NALF1: variants seen among roughly 807,000 people sequenced by gnomAD.
The protein encoded by NALF1 is NALCN channel auxiliary factor 1, also known as family with sequence similarity 155 member A.
Under a neutral mutation model 48.4 loss-of-function variants are expected in NALF1, and 3 were observed. The observed-to-expected ratio is 0.06, with a 90% CI of 0.03 to 0.16. The LOEUF (loss-of-function observed/expected upper bound fraction) is 0.16. NALF1 is among the 10% of genes least tolerant of loss of function. The pLI is 1.00. For synonymous variants in NALF1, 262 were observed against 245.7 expected (o/e 1.07, Z -0.62); for missense variants, 526 against 571.5 (o/e 0.92, Z 0.81).
chr13:107,680,779 G>A (rs183530739), intron 1 of NALF1, among the ~76,000 whole-genome samples: 2 of 151,300 alleles, frequency 1.3e-5, no homozygotes, highest in Non-Finnish European at 2.9e-5. Context: ...GCAAATGTAA[G>A]AATGTGTGTG....
chr13:107,723,701 A>C (rs1397655860), intron 1 of NALF1, among the ~76,000 whole-genome samples: 1 of 152,230 alleles, frequency 6.6e-6, no homozygotes, highest in Admixed American at 6.5e-5. Flanking sequence ...GACCTCTTAC[A>C]GCGCACATGC....
chr13:107,486,129 G>T (rs1298858115), intron 1 of NALF1, among the ~76,000 whole-genome samples: 1 of 152,058 alleles, frequency 6.6e-6, no homozygotes, highest in East Asian at 1.9e-4. Flanking sequence ...AATCTAGTTC[G>T]GTTACAGGCA....
intron 1 of NALF1, among the ~76,000 whole-genome samples, chr13:107,408,924 A>T (rs1429531415): frequency 6.6e-6 from 1 of 152,204 alleles, no homozygotes; most frequent in East Asian, 1.9e-4. Context: ...TTCATATTAA[A>T]ATGTACCAAC....
At chr13:107,700,386 C>T (rs967917216) in intron 1 of NALF1, among the ~76,000 whole-genome samples, 1 of 148,488 alleles carries the variant, frequency 6.7e-6, no homozygotes, top group African/African-American at 2.5e-5. Context: ...ATCAAGTGAA[C>T]ATAATATGGG....
intron 1 of NALF1, among the ~76,000 whole-genome samples, chr13:107,705,965 T>G (rs1343683091): frequency 6.6e-6 from 1 of 151,922 alleles, no homozygotes; most frequent in Non-Finnish European, 1.5e-5. Flanking sequence ...GAGAAAGAGA[T>G]AGACTCTTTG....
intron 1 of NALF1, among the ~76,000 whole-genome samples, chr13:107,360,468 G>A (rs1883042308): frequency 6.6e-6 from 1 of 151,988 alleles, no homozygotes; most frequent in Non-Finnish European, 1.5e-5. Context: ...TATTTGCCAA[G>A]TTCAGCCAAT....
At chr13:107,314,712 T>C (rs1421446981) in intron 1 of NALF1, among the ~76,000 whole-genome samples, 1 of 152,182 alleles carries the variant, frequency 6.6e-6, no homozygotes, top group Non-Finnish European at 1.5e-5. Flanking sequence ...TTTCATTGTC[T>C]TTCACCCATT....
intron 1 of NALF1, among the ~76,000 whole-genome samples, chr13:107,807,024 C>T (rs1878811974): frequency 1.3e-5 from 2 of 152,042 alleles, no homozygotes; most frequent in African/African-American, 4.8e-5. Flanking sequence ...AAATATCACG[C>T]CAGTAGACAC....
At chr13:107,481,407 G>A (rs1384267731) in intron 1 of NALF1, among the ~76,000 whole-genome samples, 3 of 152,004 alleles carry the variant, frequency 2.0e-5, no homozygotes, top group Non-Finnish European at 4.4e-5. Context: ...CTTTCCTACA[G>A]CCCTTTCAAA....
At chr13:107,434,238 C>T (rs1884428210) in intron 1 of NALF1, among the ~76,000 whole-genome samples, 1 of 152,092 alleles carries the variant, frequency 6.6e-6, no homozygotes, top group Non-Finnish European at 1.5e-5. Flanking sequence ...AGTCAGTGGA[C>T]TCTCATTTTT....
At chr13:107,583,691 T>C (rs1878375397) in intron 1 of NALF1, among the ~76,000 whole-genome samples, 1 of 152,184 alleles carries the variant, frequency 6.6e-6, no homozygotes, top group South Asian at 2.1e-4. Context: ...TTACCTGGCA[T>C]CAGTAAATAC....
chr13:107,402,187 C>G (rs1165517184), intron 1 of NALF1, among the ~76,000 whole-genome samples: 3 of 152,210 alleles, frequency 2.0e-5, no homozygotes, highest in Non-Finnish European at 4.4e-5. Context: ...AGCAGACTCT[C>G]TCCTTTGCTG....
Position 107,645,127 on chromosome 13 carries a change from C to A in NALF1, c.915+220555G>T, listed in dbSNP as rs1403020207. 3.9e-5 allele frequency among the ~76,000 whole-genome samples: 6 copies of A among 151,940 alleles called. No individual in the cohort carries two copies. The South Asian group carries it at 1.2e-3, about 32-fold the overall frequency. On this transcript the variant is annotated intron_variant, in intron 1 of 2. Transcript: ENST00000375915. The stretch of plus-strand genomic sequence containing the variant: ...ACATGTGAGCATTTTCATTAATGTA[C>A]CTAGGAGTCAAGTTGCTGAGTCTTA...
chr13:107,793,224 G>A (rs1878305773), intron 1 of NALF1, among the ~76,000 whole-genome samples: 1 of 152,142 alleles, frequency 6.6e-6, no homozygotes, highest in South Asian at 2.1e-4. Context: ...CAGGATAGCA[G>A]GGCTGTTGAT....
In NALF1 at chr13:107,169,414, A is replaced by G. The variant is rs1050784001; in HGVS notation, c.*1083T>C. ...AAAAGAAGTCCAGATATGTGTCCGC[A>G]ATCCCTTTGTTTGTTCCCTGTAATT... On this transcript the variant is annotated 3_prime_UTR_variant, in exon 3 of 3. Transcript: ENST00000375915. 2.8e-5 allele frequency: 2 copies of G among 71,096 alleles called. No individual in the cohort carries two copies. Among genetic ancestry groups the G allele is most frequent in the Non-Finnish European group, 5.8e-5 (2 of 34,516 alleles). The allele number at this position is 71,096 out of a possible 1,614,324, so 4.4% of individuals were successfully genotyped here.
intron 1 of NALF1, among the ~76,000 whole-genome samples, chr13:107,402,941 C>T (rs1883833906): frequency 6.6e-6 from 1 of 152,104 alleles, no homozygotes; most frequent in African/African-American, 2.4e-5. Context: ...GCCAACTCAT[C>T]ACCTCTTCCA....
At chr13:107,329,777 A>G (rs192095963) in intron 1 of NALF1, among the ~76,000 whole-genome samples, 3 of 151,466 alleles carry the variant, frequency 2.0e-5, no homozygotes, top group African/African-American at 7.3e-5. Flanking sequence ...TCCTTGCAAT[A>G]GTTTGCTGAG....
intron 1 of NALF1, among the ~76,000 whole-genome samples, chr13:107,775,452 T>C (rs568035770): frequency 8.2e-4 from 125 of 151,776 alleles, no homozygotes; most frequent in African/African-American, 2.0e-3. Context: ...ATCCAGTCTA[T>C]CATTGTTGGA....
intron 1 of NALF1, among the ~76,000 whole-genome samples, chr13:107,307,242 G>C (rs549090378): frequency 1.3e-5 from 2 of 152,210 alleles, no homozygotes; most frequent in South Asian, 4.1e-4. Context: ...CTCACCTAGG[G>C]AGGTTGGAAA....
Sources: gnomAD v4.1 joint callset for allele counts (sites outside exome capture counted in the v4.1 genomes callset) on GRCh38, gnomAD v4.1.1 for gene constraint, MANE v1.5 for transcripts, NCBI Gene and HGNC (gene_info 2026-07-23, HGNC 2026-07-21) for gene names.